Variants in MOCOS observed in about 807,000 individuals in gnomAD.
The protein encoded by MOCOS is molybdenum cofactor sulfurase.
In MOCOS, 86 loss-of-function variants were observed where a neutral mutation model predicts 83.6. The observed-to-expected ratio is 1.03, with a 90% CI of 0.86 to 1.23. MOCOS has a LOEUF of 1.23. MOCOS is among the 50% of genes most tolerant of loss of function. MOCOS has a pLI of 0.00. For missense variants in MOCOS, 1,120 were observed against 1,126.9 expected, an observed-to-expected ratio of 0.99 and a Z score of 0.09; for synonymous variants, 445 against 434.7, an observed-to-expected ratio of 1.02 and a Z score of -0.29.
At chr18:36,232,448 A>G (rs1340241466) in intron 9 of MOCOS, among the ~76,000 whole-genome samples, 1 of 152,218 alleles carries the variant, frequency 6.6e-6, no homozygotes, top group African/African-American at 2.4e-5. Context: ...GTAATTATAT[A>G]GCATATTCAT....
chr18:36,228,394 G>A (rs1167840520), intron 9 of MOCOS, among the ~76,000 whole-genome samples: 1 of 152,044 alleles, frequency 6.6e-6, no homozygotes, highest in Non-Finnish European at 1.5e-5. Flanking sequence ...GTACATTTGT[G>A]ACACAATTCA....
At chr18:36,189,357 A>G (rs1459834523) in intron 1 of MOCOS, among the ~76,000 whole-genome samples, 1 of 152,152 alleles carries the variant, frequency 6.6e-6, no homozygotes, top group African/African-American at 2.4e-5. Flanking sequence ...ATTACGGTTA[A>G]AGCAGACATT....
At chr18:36,246,864 CT>C (rs1311030850) in intron 9 of MOCOS, among the ~76,000 whole-genome samples, 2 of 152,170 alleles carry the variant, frequency 1.3e-5, no homozygotes, top group Non-Finnish European at 2.9e-5. Context: ...TTTGCCCTGC[CT>C]TGGCTAGGAT....
Position 36,270,210 on chromosome 18 carries a change from A to ACT in MOCOS, c.*1526_*1527dup, listed in dbSNP as rs2091694828. Reference sequence around the variant, plus strand: ...AACGCAACCTCTTCAAAGACTCAGCACTGCCACATCATATGAGTGGACTTG... The same window carrying ACT: ...AACGCAACCTCTTCAAAGACTCAGCACTCTGCCACATCATATGAGTGGACTTG... On this transcript the variant is annotated 3_prime_UTR_variant, in exon 15 of 15. Transcript: ENST00000261326. 1 of 152,210 alleles carries ACT rather than the reference A, an allele frequency of 6.6e-6. No homozygotes were observed. The highest frequency in any genetic ancestry group is 6.5e-5 in the Admixed American group (1 of 15,282). The allele number at this position is 152,210 out of a possible 1,614,324, so 9.4% of individuals were successfully genotyped here.
intron 9 of MOCOS, among the ~76,000 whole-genome samples, chr18:36,229,660 C>T (rs552313045): frequency 1.3e-4 from 20 of 152,224 alleles, no homozygotes; most frequent in Admixed American, 5.9e-4. Context: ...GATGATGTCT[C>T]ATAATTCCCC....
intron 11 of MOCOS, 106 bp downstream of exon 11, chr18:36,251,389 G>A (rs1052620240): frequency 1.4e-6 from 2 of 1,435,390 alleles, no homozygotes; most frequent in Non-Finnish European, 1.9e-6. Flanking sequence ...CTGATGTATG[G>A]AAAGCAGGGG....
intron 6 of MOCOS, among the ~76,000 whole-genome samples, chr18:36,206,229 T>G (rs911880618): frequency 2.7e-5 from 4 of 145,944 alleles, no homozygotes; most frequent in Non-Finnish European, 3.0e-5. Flanking sequence ...ATTTTTATTT[T>G]ATTTTTTCTT....
At position 36,237,991 on chromosome 18, in the gene MOCOS, AT is replaced by A. The variant is rs1045770775; in HGVS notation, c.1961-10925del. 4.1e-4 allele frequency among the ~76,000 whole-genome samples: 63 copies of A among 152,038 alleles called. 1 individual carries two copies. The highest frequency in any genetic ancestry group is 1.4e-3 in the African/African-American group (60 of 41,412). On this transcript the variant is annotated intron_variant, in intron 9 of 14. Coordinates refer to ENST00000261326, the MANE Select transcript of MOCOS (RefSeq NM_017947.4). ...ATTGGTGGTGATATCCCCTTTTATC[AT>A]TTTTTATTGCGTCTATTTGATTCTT...
At chr18:36,237,619 T>C (rs985652257) in intron 9 of MOCOS, among the ~76,000 whole-genome samples, 24 of 151,950 alleles carry the variant, frequency 1.6e-4, no homozygotes, top group Non-Finnish European at 3.1e-4. Context: ...TCTGCCTGGC[T>C]TTGGTATCAG....
At chr18:36,207,083 C>T (rs1290946153) in intron 6 of MOCOS, among the ~76,000 whole-genome samples, 1 of 152,232 alleles carries the variant, frequency 6.6e-6, no homozygotes, top group Non-Finnish European at 1.5e-5. Context: ...GTTGCCCAAG[C>T]TGGAGTGCAG....
chr18:36,220,010 A>G (rs776731329), intron 8 of MOCOS, 45 bp from the exon 9 acceptor site: 1 of 1,611,978 alleles, frequency 6.2e-7, no homozygotes, highest in South Asian at 1.1e-5. Flanking sequence ...GTGAAGACCA[A>G]CTTTGGGGAG....
chr18:36,234,872 G>C (rs1297998777), intron 9 of MOCOS, among the ~76,000 whole-genome samples: 1 of 152,126 alleles, frequency 6.6e-6, no homozygotes, highest in Non-Finnish European at 1.5e-5. Flanking sequence ...GGGCAAAGGA[G>C]GAACTTCCAA....
chr18:36,255,011 C>A (rs1354642369), intron 11 of MOCOS, among the ~76,000 whole-genome samples: 1 of 152,148 alleles, frequency 6.6e-6, no homozygotes, highest in African/African-American at 2.4e-5. Flanking sequence ...CAGGCATGAG[C>A]CTTTGCACCC....
At chr18:36,255,069 T>A (rs1467840340) in intron 11 of MOCOS, among the ~76,000 whole-genome samples, 2 of 152,128 alleles carry the variant, frequency 1.3e-5, no homozygotes, top group African/African-American at 4.8e-5. Context: ...AACATAAGTA[T>A]ATTATAACTT....
chr18:36,206,347 A>G (rs908259447), intron 6 of MOCOS, among the ~76,000 whole-genome samples: 3 of 147,914 alleles, frequency 2.0e-5, no homozygotes, highest in African/African-American at 7.5e-5. Context: ...CTTGGGTTCA[A>G]GTGATTCTCT....
chr18:36,213,951 AAAAG>A (rs2091465512), intron 7 of MOCOS, among the ~76,000 whole-genome samples: 2 of 141,648 alleles, frequency 1.4e-5, no homozygotes, highest in Non-Finnish European at 1.5e-5. Context: ...AAGAAAAAAA[AAAAG>A]AAGAAGCCGG....
At chr18:36,200,515 AGT>A (rs768409152) in intron 4 of MOCOS, among the ~76,000 whole-genome samples, 191 bp downstream of exon 4, 5 of 152,312 alleles carry the variant, frequency 3.3e-5, no homozygotes, top group Non-Finnish European at 7.4e-5. Flanking sequence ...ACAGGTGTTC[AGT>A]GAACTCTACC....
At chr18:36,198,436 T>C (rs189125600) in intron 2 of MOCOS, among the ~76,000 whole-genome samples, 21 of 152,360 alleles carry the variant, frequency 1.4e-4, no homozygotes, top group Admixed American at 1.2e-3. Context: ...TTTGTTTATC[T>C]GTTCACCCAT....
chr18:36,218,486 T>G (rs961142969), intron 8 of MOCOS, among the ~76,000 whole-genome samples: 3 of 152,300 alleles, frequency 2.0e-5, no homozygotes, highest in African/African-American at 7.2e-5. Context: ...ACTTCTTACT[T>G]GCTACTCACT....
Sources: gnomAD v4.1 joint callset for allele counts (sites outside exome capture counted in the v4.1 genomes callset) on GRCh38, gnomAD v4.1.1 for gene constraint, MANE v1.5 for transcripts, NCBI Gene and HGNC (gene_info 2026-07-23, HGNC 2026-07-21) for gene names.